Variants in DNAH9 observed in about 807,000 individuals in gnomAD.
DNAH9 encodes the protein dynein axonemal heavy chain 9, also known as DNAH9 variant protein.
Under a neutral mutation model 471.6 loss-of-function variants are expected in DNAH9, and 345 were observed. The observed-to-expected ratio is 0.73, with a 90% CI of 0.67 to 0.80. The LOEUF is 0.80. DNAH9 is among the 30% of genes least tolerant of loss of function. The probability of loss-of-function intolerance (pLI) is 0.00; values close to 1 mark genes in which losing one functional copy is unlikely to be tolerated. For missense variants in DNAH9, 5,407 were observed against 5,609.2 expected (o/e 0.96, Z 1.15); for synonymous variants, 2,093 against 2,123.6 (o/e 0.99, Z 0.40).
At chr17:11,677,045 T>C (rs2074060604) in intron 17 of DNAH9, among the ~76,000 whole-genome samples, 1 of 152,082 alleles carries the variant, frequency 6.6e-6, no homozygotes, top group South Asian at 2.1e-4. Context: ...AAGTTTGCCT[T>C]ATTCAATATA....
chr17:11,873,298 G>A (rs1309759800), intron 52 of DNAH9: 1 of 152,150 alleles, frequency 6.6e-6, no homozygotes, highest in Non-Finnish European at 1.5e-5. Context: ...TGTCATGGAC[G>A]TCTTTGGCAG....
chr17:11,931,176 C>T (rs967532633), intron 63 of DNAH9, among the ~76,000 whole-genome samples: 3 of 152,200 alleles, frequency 2.0e-5, no homozygotes, highest in Non-Finnish European at 2.9e-5. Context: ...ATCGGATCAC[C>T]TTAAAATCCA....
Position 11,738,876 on chromosome 17 carries a change from C to A in DNAH9, c.5815-4C>A. 1 of 1,613,444 alleles carries A rather than the reference C, an allele frequency of 6.2e-7. No individual in the cohort carries two copies. Among genetic ancestry groups the A allele is most frequent in the Non-Finnish European group, 8.5e-7 (1 of 1,179,564 alleles). ...AATTTCTCGCTGATTGATTGGTTCA[C>A]CAGGTAAAAAGCATTCAAGATGCGA... On this transcript the variant is annotated splice_polypyrimidine_tract_variant and splice_region_variant and intron_variant, in intron 28 of 68. Transcript: ENST00000262442.
intron 52 of DNAH9, chr17:11,873,367 G>A (rs2150987641): frequency 6.6e-6 from 1 of 152,266 alleles, no homozygotes; most frequent in South Asian, 2.1e-4. Context: ...CAAATAGAAT[G>A]CATGAGATTA....
At chr17:11,849,155 C>A (rs191369458) in intron 49 of DNAH9, among the ~76,000 whole-genome samples, 116 of 152,200 alleles carry the variant, frequency 7.6e-4, no homozygotes, top group African/African-American at 2.7e-3. Context: ...TAAAAGTATT[C>A]ATAAGTTCTG....
chr17:11,768,454 T>G lies in DNAH9; in HGVS notation c.7172T>G (p.Leu2391Arg). 1.2e-6 allele frequency: 2 copies of G among 1,612,332 alleles called. No homozygotes were observed. The highest frequency in any genetic ancestry group is 1.1e-5 in the South Asian group (1 of 91,042). Residue 2391 changes from leucine (L) to arginine (R), a missense_variant and splice_region_variant, in exon 37 of 69, where the codon CTT becomes CGT. Leu to Arg is a moderately radical substitution (Grantham distance 102). Around this residue, in one of 3 missense-constraint regions of DNAH9, gnomAD observed 4,636 missense variants for 4,900.3 expected, o/e 0.95. Coordinates refer to ENST00000262442, the MANE Select transcript of DNAH9 (RefSeq NM_001372.4). ...CCCTGACTGTCTTTGTTTTTGCAGC[T>G]TGTGGACTACCGGGCAGAGTTCAGC... ...AFGGAMVQDQ[L>R]VDYRAEFSKW...
intron 55 of DNAH9, chr17:11,883,084 C>G (rs2150997251): frequency 1.0e-6 from 1 of 987,474 alleles, no homozygotes; most frequent in East Asian, 1.1e-4. Flanking sequence ...ACCAGCACCC[C>G]ACTCCAGCCT....
chr17:11,919,857 T>C (rs527927579), intron 61 of DNAH9, among the ~76,000 whole-genome samples: 3 of 151,858 alleles, frequency 2.0e-5, no homozygotes, highest in East Asian at 3.9e-4. Flanking sequence ...TTCACTGAAG[T>C]AGAAAAATAG....
At chr17:11,864,276 T>C (rs1002290541) in intron 50 of DNAH9, among the ~76,000 whole-genome samples, 9 of 149,988 alleles carry the variant, frequency 6.0e-5, no homozygotes, top group African/African-American at 2.2e-4. Context: ...CATTTCGTTA[T>C]GTACCCAGTA....
chr17:11,679,940 T>C lies in DNAH9; in HGVS notation c.3537T>C (p.Tyr1179=), dbSNP rs2074106569. 6.2e-7 allele frequency: 1 copy of C among 1,613,970 alleles called. No homozygotes were observed. The highest frequency in any genetic ancestry group is 1.3e-5 in the African/African-American group (1 of 74,914). ...AGACTATTGAATTGCTGAAGACCTA[T>C]GAACAAGAATTGCCAGAAACAGTGT... ...LKQTIELLKT[Y]EQELPETVFK... Residue 1179 remains tyrosine, a synonymous_variant, in exon 18 of 69, where the codon TAT becomes TAC. Transcript: ENST00000262442.
intron 38 of DNAH9, among the ~76,000 whole-genome samples, chr17:11,780,120 C>T (rs1187533769): frequency 6.6e-6 from 1 of 152,248 alleles, no homozygotes; most frequent in Non-Finnish European, 1.5e-5. Flanking sequence ...CAAGTCCTGT[C>T]ATGCTGGAAA....
intron 68 of DNAH9, among the ~76,000 whole-genome samples, chr17:11,966,956 AC>A (rs1301537428): frequency 7.0e-6 from 1 of 143,488 alleles, no homozygotes. Flanking sequence ...AATTGCTTGA[AC>A]CCAGGAGGCA....
intron 43 of DNAH9, 136 bp downstream of exon 43, chr17:11,797,929 T>G: frequency 5.8e-6 from 5 of 858,286 alleles, no homozygotes; most frequent in Non-Finnish European, 8.9e-6. Context: ...TCAAGATGGC[T>G]GCTGGCAGAG....
At chr17:11,910,325 T>A (rs1567893993) in intron 61 of DNAH9, among the ~76,000 whole-genome samples, 1 of 152,194 alleles carries the variant, frequency 6.6e-6, no homozygotes, top group Non-Finnish European at 1.5e-5. Context: ...TTTCTTGTGA[T>A]GAGCTTCTTT....
At chr17:11,700,547 C>T (rs564115780) in intron 23 of DNAH9, among the ~76,000 whole-genome samples, 1 of 152,216 alleles carries the variant, frequency 6.6e-6, no homozygotes, top group South Asian at 2.1e-4. Context: ...CAAAGCATTG[C>T]CCCTGGGGAT....
intron 67 of DNAH9, among the ~76,000 whole-genome samples, chr17:11,944,326 C>T (rs960713574): frequency 7.2e-5 from 11 of 152,046 alleles, no homozygotes; most frequent in African/African-American, 1.9e-4. Flanking sequence ...CATAGAGAGA[C>T]GCGGGAGAAG....
At position 11,598,863 on chromosome 17, in the gene DNAH9, G is replaced by A. The variant is rs1389147693; in HGVS notation, c.365G>A (p.Cys122Tyr). 7 of 1,542,330 alleles carry A rather than the reference G, an allele frequency of 4.5e-6. No individual in the cohort carries two copies. Among genetic ancestry groups the A allele is most frequent in the Non-Finnish European group, 6.1e-6 (7 of 1,150,568 alleles). ...GACAGCTTCCGCGGCGCAGTGGTCT[G>A]CGGGGACCTGCCCGCGGCACCTCTG... ...GPDSFRGAVV[C>Y]GDLPAAPLEH... Residue 122 changes from cysteine to tyrosine, a missense_variant, in exon 1 of 69, where the codon TGC becomes TAC. This residue lies in a region of DNAH9 where 767 missense variants were observed against 692.5 expected (regional missense o/e 1.11). Coordinates refer to ENST00000262442, the MANE Select transcript of DNAH9 (RefSeq NM_001372.4).
At position 11,905,693 on chromosome 17, in the gene DNAH9, A is replaced by G. The variant is rs766911498; in HGVS notation, c.11633A>G (p.Tyr3878Cys). The change falls in exon 61 of 69, where the codon TAC becomes TGC. Residue 3878 changes from tyrosine to cysteine, a missense_variant. Transcript: ENST00000262442. ...DFVEEKLGSK[Y>C]VVGRALDFAT... ...GTTGAAGAGAAGTTAGGAAGCAAAT[A>G]CGTGGTGGGAAGAGCCCTAGATTTT... 4.2e-5 allele frequency: 67 copies of G among 1,614,006 alleles called. No homozygotes were observed. The South Asian group carries it at 4.2e-4, about 10-fold the overall frequency.
intron 56 of DNAH9, among the ~76,000 whole-genome samples, chr17:11,885,488 G>A (rs970154675): frequency 6.6e-6 from 1 of 152,068 alleles, no homozygotes; most frequent in Non-Finnish European, 1.5e-5. Context: ...TTCTTTCTGA[G>A]TTGCTTTTGT....
Sources: allele counts gnomAD v4.1 joint callset (sites outside exome capture counted in the v4.1 genomes callset), GRCh38; gene constraint gnomAD v4.1.1; regional missense constraint gnomAD v4.1.1; transcripts MANE v1.5; gene names NCBI Gene and HGNC (gene_info 2026-07-23, HGNC 2026-07-21).